The following SESN1 variants were observed in gnomAD, a reference collection of about 807,000 sequenced individuals.
SESN1 encodes sestrin 1.
Under a neutral mutation model 59.3 loss-of-function variants are expected in SESN1, and 30 were observed. The ratio of observed to expected loss-of-function variants is 0.51; its 90% CI spans 0.38 to 0.69. The LOEUF is 0.69. Ranked by LOEUF, SESN1 falls within the 30% of genes least tolerant of loss-of-function variation. The pLI, the probability that SESN1 is intolerant of heterozygous loss-of-function variation, is 0.00. For synonymous variants in SESN1, 197 were observed against 219.9 expected (o/e 0.90, Z 0.92); for missense variants, 566 against 673.0 (o/e 0.84, Z 1.76).
At chr6:109,054,564 A>C (rs1780597860) in intron 1 of SESN1, among the ~76,000 whole-genome samples, 1 of 152,196 alleles carries the variant, frequency 6.6e-6, no homozygotes, top group Non-Finnish European at 1.5e-5. Flanking sequence ...CCTGACCTAC[A>C]CGAGGATTAT....
In SESN1 at chr6:108,985,495, C is replaced by A. The variant is rs1457474052; in HGVS notation, c.*2049G>T. Among the ~76,000 whole-genome samples, 1 of 152,194 alleles carries A rather than the reference C, an allele frequency of 6.6e-6. No homozygotes were observed. Among genetic ancestry groups the A allele is most frequent in the African/African-American group, 2.4e-5 (1 of 41,460 alleles). On this transcript the variant is annotated 3_prime_UTR_variant, in exon 10 of 10. Transcript: ENST00000436639. ...GTTTAGTTTTGAGAAAACACTCCAA[C>A]AGGAAGCACCTGCTAAATGGAAGGC...
intron 1 of SESN1, among the ~76,000 whole-genome samples, chr6:109,013,376 G>C (rs1262450460): frequency 6.6e-6 from 1 of 152,180 alleles, no homozygotes; most frequent in Non-Finnish European, 1.5e-5. Context: ...AGTGGATTCT[G>C]TCTCTCCAGT....
chr6:109,079,430 T>C (rs191069486), intron 1 of SESN1, among the ~76,000 whole-genome samples: 4 of 152,282 alleles, frequency 2.6e-5, no homozygotes, highest in African/African-American at 9.6e-5. Flanking sequence ...TTATAACAGA[T>C]TTTTAGCGCA....
chr6:109,007,910 G>T (rs766461545), intron 1 of SESN1, among the ~76,000 whole-genome samples: 1 of 150,806 alleles, frequency 6.6e-6, no homozygotes, highest in African/African-American at 2.4e-5. Flanking sequence ...CAGGAGTTCC[G>T]TTTCTTGAAA....
At chr6:109,009,730 G>T (rs1779822431) in intron 1 of SESN1, among the ~76,000 whole-genome samples, 1 of 152,090 alleles carries the variant, frequency 6.6e-6, no homozygotes, top group South Asian at 2.1e-4. Flanking sequence ...AAATCACCTT[G>T]GGGGCCCAGG....
intron 1 of SESN1, among the ~76,000 whole-genome samples, chr6:109,042,354 C>A (rs1780356295): frequency 6.6e-6 from 1 of 151,214 alleles, no homozygotes; most frequent in African/African-American, 2.4e-5. Flanking sequence ...TAATAAAGAA[C>A]AAACATCAAT....
intron 1 of SESN1, among the ~76,000 whole-genome samples, chr6:109,074,014 T>C (rs1481318044): frequency 6.6e-6 from 1 of 152,202 alleles, no homozygotes; most frequent in Non-Finnish European, 1.5e-5. Flanking sequence ...GGACCATATA[T>C]ACTATGGTCA....
chr6:109,065,911 C>T (rs1362803765), intron 1 of SESN1, among the ~76,000 whole-genome samples: 3 of 151,788 alleles, frequency 2.0e-5, no homozygotes, highest in Non-Finnish European at 4.4e-5. Context: ...AGGTATTTTA[C>T]AAAGTTAGAA....
At chr6:109,045,183 C>T (rs952400351) in intron 1 of SESN1, among the ~76,000 whole-genome samples, 2 of 152,152 alleles carry the variant, frequency 1.3e-5, no homozygotes, top group African/African-American at 4.8e-5. Flanking sequence ...GACACCCTTA[C>T]TAACCTCTTG....
chr6:109,016,388 T>C (rs1779927510), intron 1 of SESN1, among the ~76,000 whole-genome samples: 1 of 152,144 alleles, frequency 6.6e-6, no homozygotes, highest in Non-Finnish European at 1.5e-5. Flanking sequence ...CCCTACTCAG[T>C]TCCTTTTTGA....
intron 1 of SESN1, among the ~76,000 whole-genome samples, chr6:109,053,332 C>G (rs778112195): frequency 2.0e-4 from 31 of 152,018 alleles, no homozygotes; most frequent in Non-Finnish European, 4.0e-4. Flanking sequence ...GATGAAAACC[C>G]AAACAATAAG....
chr6:108,985,993 A>AC lies in SESN1; in HGVS notation c.*1550dup, dbSNP rs1397135709. Among the ~76,000 whole-genome samples the AC allele has an allele frequency of 2.6e-5, 4 of 151,992 alleles. No individual in the cohort carries two copies. The East Asian group carries it at 7.7e-4, about 29-fold the overall frequency. On this transcript the variant is annotated 3_prime_UTR_variant, in exon 10 of 10. Transcript: ENST00000436639. ...CTCTGTTCAAAATTGATCCTTCCCA[A>AC]CCCCTACTTCCACACTACCCCATAC...
chr6:109,028,470 T>C (rs747139125), intron 1 of SESN1, among the ~76,000 whole-genome samples: 2 of 152,192 alleles, frequency 1.3e-5, no homozygotes, highest in African/African-American at 2.4e-5. Context: ...CATTTGCATG[T>C]ATGTATGTTA....
At chr6:109,076,356 A>G (rs1193876319) in intron 1 of SESN1, among the ~76,000 whole-genome samples, 1 of 152,236 alleles carries the variant, frequency 6.6e-6, no homozygotes, top group Non-Finnish European at 1.5e-5. Flanking sequence ...TCAATACAGT[A>G]TAAGTGTATG....
At chr6:109,050,525 A>AG (rs1027048385) in intron 1 of SESN1, among the ~76,000 whole-genome samples, 2 of 152,214 alleles carry the variant, frequency 1.3e-5, no homozygotes, top group African/African-American at 4.8e-5. Context: ...AGGAAAAATT[A>AG]GTTGGACTGG....
intron 1 of SESN1, among the ~76,000 whole-genome samples, chr6:109,080,825 A>C (rs1781109502): frequency 6.6e-6 from 1 of 152,154 alleles, no homozygotes; most frequent in Non-Finnish European, 1.5e-5. Context: ...CCAAAGTCTG[A>C]AACATTTTGA....
At chr6:109,063,946 T>C (rs763995131) in intron 1 of SESN1, among the ~76,000 whole-genome samples, 42 of 152,148 alleles carry the variant, frequency 2.8e-4, no homozygotes, top group Non-Finnish European at 3.7e-4. Context: ...AGATTTTCAT[T>C]TATTTTACCC....
intron 1 of SESN1, among the ~76,000 whole-genome samples, chr6:109,024,190 C>T (rs1162063745): frequency 6.6e-6 from 1 of 152,106 alleles, no homozygotes; most frequent in Admixed American, 6.5e-5. Flanking sequence ...CAGTGGAAAA[C>T]CCTTCACCTG....
rs905410322 is a variant in SESN1, at chr6:109,009,469, G to A, written c.280-7126C>T. On this transcript the variant is annotated intron_variant, in intron 1 of 9. Transcript: ENST00000436639. ...GCGGCGGCCAAGCGCATGTCGGCGC[G>A]GGGACGGCTGCGGACGCGCGGAGGC... The A allele has an allele frequency of 3.2e-6, 4 of 1,268,502 alleles. No individual in the cohort carries two copies. The African/African-American group carries it at 4.7e-5, about 15-fold the overall frequency. The allele number at this position is 1,268,502 out of a possible 1,614,324, so 78.6% of individuals were successfully genotyped here.
Sources: allele counts gnomAD v4.1 joint callset (sites outside exome capture counted in the v4.1 genomes callset), GRCh38; gene constraint gnomAD v4.1.1; transcripts MANE v1.5; gene names NCBI Gene and HGNC (gene_info 2026-07-23, HGNC 2026-07-21).